RIPK4: variants seen among roughly 807,000 people sequenced by gnomAD.
The protein encoded by RIPK4 is receptor interacting serine/threonine kinase 4.
Under a neutral mutation model 42.9 loss-of-function variants are expected in RIPK4, and 17 were observed. The ratio of observed to expected loss-of-function variants is 0.40; its 90% confidence interval spans 0.27 to 0.59. The LOEUF is 0.59. RIPK4 is among the 20% of genes least tolerant of loss of function. The pLI is 0.47. For synonymous variants in RIPK4, 498 were observed against 499.1 expected (o/e 1.00, Z 0.03); for missense variants, 897 against 1,104.4 (o/e 0.81, Z 2.66).
At chr21:41,750,507 A>G (rs13049875) in intron 3 of RIPK4, among the ~76,000 whole-genome samples, 1,955 of 152,312 alleles carry the variant, frequency 0.013, 22 homozygotes, top group Middle Eastern at 0.037. Flanking sequence ...TCCAACAGAC[A>G]AGCCATAAAG....
chr21:41,752,980 C>T (rs984662661), intron 2 of RIPK4, among the ~76,000 whole-genome samples: 4 of 151,946 alleles, frequency 2.6e-5, no homozygotes, highest in Non-Finnish European at 4.4e-5. Flanking sequence ...CACATGTATC[C>T]CGGAACTAAA....
chr21:41,748,002 T>G (rs1044729104), intron 4 of RIPK4, among the ~76,000 whole-genome samples: 3 of 152,234 alleles, frequency 2.0e-5, no homozygotes, highest in African/African-American at 7.2e-5. Flanking sequence ...AGCCTTGACC[T>G]GTCCCCTGCG....
Position 41,766,733 on chromosome 21 carries a change from G to GT in RIPK4, c.182+126dup, listed in dbSNP as rs902243203. 5.8e-6 allele frequency: 6 copies of GT among 1,031,520 alleles called. No homozygotes were observed. In the Admixed American group the frequency reaches 1.1e-4, roughly 20 times the overall value. The allele number at this position is 1,031,520 out of a possible 1,614,324, so 63.9% of individuals were successfully genotyped here. On this transcript the variant is annotated intron_variant, in intron 1 of 7. Transcript: ENST00000332512. Reference sequence around the variant, plus strand: ...AGCCCCGCGGCCTCGCCGGCAATTGGTTTCCCCCCCGAAGCTGCTCCGGGG... The same window carrying GT: ...AGCCCCGCGGCCTCGCCGGCAATTGGTTTTCCCCCCCGAAGCTGCTCCGGGG...
intron 7 of RIPK4, among the ~76,000 whole-genome samples, chr21:41,743,473 C>T (rs1009930294): frequency 1.3e-5 from 2 of 152,222 alleles, no homozygotes. Flanking sequence ...CCCACATATG[C>T]GAAGGCGTGG....
chr21:41,744,260 G>A lies in RIPK4; in HGVS notation c.937-120C>T, dbSNP rs117826547. 2,345 of 960,702 alleles carry A rather than the reference G, an allele frequency of 2.4e-3. 5 individuals are homozygous for A. The highest frequency in any genetic ancestry group is 3.2e-3 in the Non-Finnish European group (2,103 of 663,818). The allele number at this position is 960,702 out of a possible 1,614,324, so 59.5% of individuals were successfully genotyped here. ...GGAGGGAGATGGGGGAGGAAAGGACGGACCCTGGAAGCAATGCAGATAACC... is the reference window on the plus strand; with the variant it reads ...GGAGGGAGATGGGGGAGGAAAGGACAGACCCTGGAAGCAATGCAGATAACC... On this transcript the variant is annotated intron_variant, in intron 6 of 7. Coordinates refer to ENST00000332512, the MANE Select transcript of RIPK4 (RefSeq NM_020639.3).
Position 41,745,846 on chromosome 21 carries a change from G to A in RIPK4, c.849C>T (p.Thr283=), listed in dbSNP as rs1356031463. The change falls in exon 6 of 8, where the codon ACC becomes ACT. Residue 283 remains threonine (T), a synonymous_variant. Transcript: ENST00000332512. ...RPTFQEITSE[T]EDLCEKPDDE... is the part of the protein sequence containing the mutation. ...CATCAGGCTTTTCACACAGGTCCTC[G>A]GTTTCAGAAGTAATTTCTTGTGGGG... is the stretch of plus-strand genomic sequence containing the variant. The A allele has an allele frequency of 8.7e-6, 14 of 1,613,796 alleles. No homozygotes were observed. Among genetic ancestry groups the A allele is most frequent in the Middle Eastern group, 1.6e-4 (1 of 6,084 alleles).
At chr21:41,745,470 G>A (rs1429855849) in intron 6 of RIPK4, among the ~76,000 whole-genome samples, 2 of 152,190 alleles carry the variant, frequency 1.3e-5, no homozygotes, top group African/African-American at 4.8e-5. Context: ...CCGGGGCTGG[G>A]CCTTCTGATC....
In RIPK4 at chr21:41,751,359, GC is replaced by G. The variant is rs1326563705; in HGVS notation, c.475-115del. ...GAGGGTGGGTGAGAGCTTTCCAGGA[GC>G]CCCTAAGAGCCGTGTCTGTGCCTCT... is the stretch of plus-strand genomic sequence containing the variant. On this transcript the variant is annotated intron_variant, in intron 2 of 7. Coordinates refer to ENST00000332512, the MANE Select transcript of RIPK4 (RefSeq NM_020639.3). The surrounding 1 kb of genome is among the most constrained non-coding windows in gnomAD (Gnocchi z 4.5). 19 of 1,362,280 alleles carry G rather than the reference GC, an allele frequency of 1.4e-5. No homozygotes were observed. Among genetic ancestry groups the G allele is most frequent in the African/African-American group, 2.9e-5 (2 of 68,922 alleles). 84.4% of individuals were successfully genotyped at this position (1,362,280 alleles called of 1,614,324 possible).
At position 41,740,765 on chromosome 21, in the gene RIPK4, C is replaced by A; in HGVS notation, c.*73G>T. On this transcript the variant is annotated 3_prime_UTR_variant, in exon 8 of 8. Transcript: ENST00000332512. ...GCCACAACAGGGCCCCACGCAGGAT[C>A]GTTCCATCCCCACGAGGAACACAGG... The A allele has an allele frequency of 6.9e-7, 1 of 1,440,420 alleles. No homozygotes were observed. 89.2% of individuals were successfully genotyped at this position (1,440,420 alleles called of 1,614,324 possible).
At chr21:41,756,437 G>T in intron 2 of RIPK4, 88 bp downstream of exon 2, 1 of 1,486,574 alleles carries the variant, frequency 6.7e-7, no homozygotes, top group Non-Finnish European at 9.1e-7. Context: ...CCCTTGTCCT[G>T]ACCTCAGGGC....
chr21:41,762,453 C>G (rs552500142), intron 1 of RIPK4, among the ~76,000 whole-genome samples: 15 of 152,326 alleles, frequency 9.8e-5, no homozygotes, highest in African/African-American at 3.6e-4. Flanking sequence ...CTTCCAGCCC[C>G]TCTCCAGGTG....
At position 41,740,883 on chromosome 21, in the gene RIPK4, G is replaced by A. The variant is rs767725466; in HGVS notation, c.2310C>T (p.Gly770=). ...HINLQSLKFQ[G]GHGPAATLLR... is the part of the protein sequence containing the mutation. ...GGAGCGTGGCGGCGGGGCCATGGCC[G>A]CCCTGGAACTTGAGGCTCTGCAGGT... Residue 770 remains glycine (G), a synonymous_variant, in exon 8 of 8, where the codon GGC becomes GGT. Coordinates refer to ENST00000332512, the MANE Select transcript of RIPK4 (RefSeq NM_020639.3). 40 of 1,611,400 alleles carry A rather than the reference G, an allele frequency of 2.5e-5. No homozygotes were observed. Among genetic ancestry groups the A allele is most frequent in the Admixed American group, 2.2e-4 (13 of 59,922 alleles).
rs1416539568 is a variant in RIPK4 at position 41,751,582 on chromosome 21, GC to G, written c.475-338del. On this transcript the variant is annotated intron_variant, in intron 2 of 7. Coordinates refer to ENST00000332512, the MANE Select transcript of RIPK4 (RefSeq NM_020639.3). This position sits in a 1 kb window ranked among gnomAD's most constrained non-coding sequence, Gnocchi z 4.5. Reference sequence around the variant, plus strand: ...TGTTTGCCATGGTGGTTGAGAGCCGGCTGAGCCGGCATAAAGGGAAAAAAAC... The same window carrying G: ...TGTTTGCCATGGTGGTTGAGAGCCGGTGAGCCGGCATAAAGGGAAAAAAAC... Among the ~76,000 whole-genome samples, 1 of 152,224 alleles carries G rather than the reference GC, an allele frequency of 6.6e-6. No homozygotes were observed. Among genetic ancestry groups the G allele is most frequent in the Non-Finnish European group, 1.5e-5 (1 of 68,038 alleles).
intron 3 of RIPK4, among the ~76,000 whole-genome samples, chr21:41,750,162 T>G (rs73369687): frequency 0.044 from 6,734 of 152,212 alleles, 488 homozygotes; most frequent in African/African-American, 0.15. Flanking sequence ...CAATGGCCAC[T>G]GTCAAACCAG....
Position 41,744,096 on chromosome 21 carries a change from A to G in RIPK4, c.981T>C (p.Asp327=), listed in dbSNP as rs1293862232. ...RLKRASAPTF[D]NDYSLSELLS... is the part of the protein sequence containing the mutation. ...GCAGCTCGGAGAGGCTGTAGTCGTT[A>G]TCGAAGGTGGGGGCAGAGGCCCGCT... The change falls in exon 7 of 8, where the codon GAT becomes GAC. Residue 327 remains aspartate (D), a synonymous_variant. Coordinates refer to ENST00000332512, the MANE Select transcript of RIPK4 (RefSeq NM_020639.3). 21 of 1,608,268 alleles carry G rather than the reference A, an allele frequency of 1.3e-5. No individual in the cohort carries two copies. Among genetic ancestry groups the G allele is most frequent in the Non-Finnish European group, 1.7e-5 (20 of 1,176,896 alleles).
At chr21:41,745,727 G>T (rs1192007043) in intron 6 of RIPK4, 32 bp downstream of exon 6, 12 of 1,548,596 alleles carry the variant, frequency 7.7e-6, no homozygotes, top group Non-Finnish European at 1.1e-5. Flanking sequence ...AAGCCGAGGA[G>T]ACAAAAGACC....
In RIPK4 at chr21:41,741,008, C is replaced by T. The variant is rs748125725; in HGVS notation, c.2185G>A (p.Asp729Asn). Residue 729 changes from aspartate to asparagine, a missense_variant, in exon 8 of 8, where the codon GAC (aspartate) becomes AAC (asparagine). Transcript: ENST00000332512. ...VEELVSADVIDLFDEQGLSAL... is the reference protein window; with the variant it reads ...VEELVSADVINLFDEQGLSAL... ...CTGAGCCCCTGCTCGTCGAACAGGT[C>T]AATGACATCGGCGCTGACCAACTCC... 12 of 1,610,078 alleles carry T rather than the reference C, an allele frequency of 7.5e-6. 1 individual carries two copies. Among genetic ancestry groups the T allele is most frequent in the South Asian group, 1.1e-5 (1 of 91,006 alleles).
intron 1 of RIPK4, among the ~76,000 whole-genome samples, chr21:41,763,943 C>A (rs2061228722): frequency 6.6e-6 from 1 of 152,100 alleles, no homozygotes; most frequent in Non-Finnish European, 1.5e-5. Context: ...AGCACCCATC[C>A]CTACACCCCA....
intron 2 of RIPK4, among the ~76,000 whole-genome samples, chr21:41,754,027 T>C (rs928788841): frequency 2.6e-5 from 4 of 152,240 alleles, no homozygotes; most frequent in Non-Finnish European, 4.4e-5. Flanking sequence ...AGTAGACAGT[T>C]GCTGTGATAT....
Sources: gnomAD v4.1 joint callset for allele counts (sites outside exome capture counted in the v4.1 genomes callset) on GRCh38, gnomAD v4.1.1 for gene constraint, Gnocchi (gnomAD v3.1) non-coding constraint, MANE v1.5 for transcripts, NCBI Gene and HGNC (gene_info 2026-07-23, HGNC 2026-07-21) for gene names.